Variants in KIAA1217 observed in about 807,000 individuals in gnomAD.
The protein encoded by KIAA1217 is KIAA1217.
In KIAA1217, 88 loss-of-function variants were observed where a neutral mutation model predicts 163.9. The ratio of observed to expected loss-of-function variants is 0.54; its 90% CI spans 0.45 to 0.64. The LOEUF (loss-of-function observed/expected upper bound fraction) is 0.64. KIAA1217 is among the 30% of genes least tolerant of loss of function. The pLI is 0.00. For synonymous variants in KIAA1217, 903 were observed against 923.1 expected, an observed-to-expected ratio of 0.98 and a Z score of 0.39; for missense variants, 2,372 against 2,475.0, an observed-to-expected ratio of 0.96 and a Z score of 0.88.
In KIAA1217 at chr10:24,391,333, CTTTTTT is replaced by C. The variant is rs768727392; in HGVS notation, c.553+10288_553+10293del. ...GGTTCTCCTGTTTCTTTCTTTCTTTCTTTTTTTTTTTTTTTTTTTTTTTTTTTGTGA... is the reference window on the plus strand; with the variant it reads ...GGTTCTCCTGTTTCTTTCTTTCTTTCTTTTTTTTTTTTTTTTTTTTTGTGA... On this transcript the variant is annotated intron_variant, in intron 3 of 20. Transcript: ENST00000376454. Among the ~76,000 whole-genome samples the C allele has an allele frequency of 1.4e-3, 41 of 29,882 alleles. No individual in the cohort carries two copies. The East Asian group carries it at 0.051, about 37-fold the overall frequency. The allele number at this position is 29,882 out of a possible 152,430, so 19.6% of individuals were successfully genotyped here. A position where few individuals can be genotyped will look rare whatever the true frequency, so the allele number is the denominator to read the frequency against.
chr10:23,833,066 A>G (rs1305209420), intron 1 of KIAA1217, among the ~76,000 whole-genome samples: 1 of 152,122 alleles, frequency 6.6e-6, no homozygotes, highest in Non-Finnish European at 1.5e-5. Context: ...CAGCCAAACC[A>G]TATCAATACT....
intron 2 of KIAA1217, among the ~76,000 whole-genome samples, chr10:24,103,597 A>T (rs1441951748): frequency 6.6e-6 from 1 of 152,218 alleles, no homozygotes; most frequent in Non-Finnish European, 1.5e-5. Flanking sequence ...GACTTAGCAG[A>T]TATGTCCCCA....
At chr10:24,523,018 T>C (rs2071523750) in intron 12 of KIAA1217, among the ~76,000 whole-genome samples, 1 of 150,370 alleles carries the variant, frequency 6.7e-6, no homozygotes, top group African/African-American at 2.5e-5. Flanking sequence ...CTGGGTGCAG[T>C]GGCACGTGCT....
At chr10:24,504,332 A>G (rs1436992292) in intron 9 of KIAA1217, among the ~76,000 whole-genome samples, 1 of 152,212 alleles carries the variant, frequency 6.6e-6, no homozygotes, top group Non-Finnish European at 1.5e-5. Context: ...TCTAAAGCGC[A>G]GACTCGCAGG....
At chr10:24,209,360 GAAAAAA>G in intron 1 of KIAA1217, 97 bp downstream of exon 1, 2 of 584,468 alleles carry the variant, frequency 3.4e-6, no homozygotes, top group Non-Finnish European at 5.7e-6. Flanking sequence ...CCCGGCAAAG[GAAAAAA>G]AAAAAAAAGG....
At chr10:23,736,379 A>G (rs1168620597) in intron 1 of KIAA1217, among the ~76,000 whole-genome samples, 1 of 152,064 alleles carries the variant, frequency 6.6e-6, no homozygotes. Flanking sequence ...CTCCCTTTTC[A>G]TGTGATCTCC....
At chr10:23,713,698 C>A (rs1279541266) in intron 1 of KIAA1217, among the ~76,000 whole-genome samples, 1 of 152,040 alleles carries the variant, frequency 6.6e-6, no homozygotes. Context: ...CCCAATAAAA[C>A]TTTTTGGTAT....
Position 24,473,959 on chromosome 10 carries a change from C to T in KIAA1217, c.1578C>T (p.Ser526=), listed in dbSNP as rs140242367. ...TGGTGTATATAGAAAAGCCACGGAG[C>T]GCTGCAGGATTATCCAGCCTTGTAG... ...GTLVYIEKPR[S]AAGLSSLVDL... The change falls in exon 6 of 21, where the codon AGC becomes AGT. Residue 526 remains serine (S), a synonymous_variant. Coordinates refer to ENST00000376454, the MANE Select transcript of KIAA1217 (RefSeq NM_019590.5). 116 of 1,614,042 alleles carry T rather than the reference C, an allele frequency of 7.2e-5. No homozygotes were observed. The highest frequency in any genetic ancestry group is 1.9e-5 in the Non-Finnish European group (22 of 1,180,046).
At chr10:24,492,553 A>G (rs16924836) in intron 6 of KIAA1217, among the ~76,000 whole-genome samples, 14,259 of 152,144 alleles carry the variant, frequency 0.094, 960 homozygotes, top group East Asian at 0.16. Flanking sequence ...TGGATTTGCA[A>G]CCTTTAACTA....
At chr10:23,916,664 A>G (rs1241324308) in intron 1 of KIAA1217, among the ~76,000 whole-genome samples, 2 of 152,178 alleles carry the variant, frequency 1.3e-5, no homozygotes, top group Non-Finnish European at 2.9e-5. Context: ...GCTAGCACCC[A>G]GATACATTTT....
intron 1 of KIAA1217, among the ~76,000 whole-genome samples, chr10:23,704,780 CT>C (rs1353459167): frequency 2.0e-5 from 3 of 151,948 alleles, no homozygotes; most frequent in African/African-American, 7.2e-5. Flanking sequence ...AAATACAAGT[CT>C]TTTTATGGGT....
At chr10:24,186,758 T>C (rs1462745772) in intron 2 of KIAA1217, among the ~76,000 whole-genome samples, 1 of 152,032 alleles carries the variant, frequency 6.6e-6, no homozygotes, top group Non-Finnish European at 1.5e-5. Flanking sequence ...AGCATGGTGG[T>C]GAGTGCCTGT....
chr10:24,299,873 C>T (rs1280433648), intron 2 of KIAA1217, among the ~76,000 whole-genome samples: 2 of 152,196 alleles, frequency 1.3e-5, no homozygotes, highest in Admixed American at 6.5e-5. Context: ...TTAGACTTCT[C>T]TCTCTGACCA....
chr10:24,173,869 T>G lies in KIAA1217; in HGVS notation c.-170-45757T>G, dbSNP rs117868904. ...AAAAAAAGTCACGTTGCCTTTTAAA[T>G]GTCCAAATTGCAAAGTCCAAGCTGC... On this transcript the variant is annotated intron_variant, in intron 2 of 18. Coordinates refer to the KIAA1217 transcript ENST00000376462. Among the ~76,000 whole-genome samples the G allele has an allele frequency of 6.6e-4, 101 of 152,360 alleles. 2 individuals are homozygous for G. In the East Asian group the frequency reaches 0.012, roughly 18 times the overall value.
At chr10:24,370,183 TG>T (rs778324566) in intron 2 of KIAA1217, among the ~76,000 whole-genome samples, 235 of 145,538 alleles carry the variant, frequency 1.6e-3, no homozygotes, top group Non-Finnish European at 2.7e-3. Context: ...GAGAATGGTG[TG>T]AACCCGGGAG....
intron 2 of KIAA1217, among the ~76,000 whole-genome samples, chr10:24,051,662 AG>A (rs1352684779): frequency 4.6e-5 from 7 of 152,146 alleles, no homozygotes; most frequent in Non-Finnish European, 1.0e-4. Flanking sequence ...TACAGGAGTA[AG>A]GTGGTTTCTC....
intron 1 of KIAA1217, among the ~76,000 whole-genome samples, chr10:23,993,674 G>A (rs527252940): frequency 1.7e-4 from 26 of 149,580 alleles, no homozygotes; most frequent in South Asian, 1.3e-3. Context: ...TCCTACCTTA[G>A]CCTCCCAAGT....
intron 1 of KIAA1217, among the ~76,000 whole-genome samples, chr10:23,988,353 A>G (rs947960847): frequency 1.3e-5 from 2 of 152,258 alleles, no homozygotes; most frequent in Non-Finnish European, 2.9e-5. Context: ...TCATAAAACT[A>G]TAATTATAAC....
At chr10:24,359,092 T>TG (rs1210478683) in intron 2 of KIAA1217, among the ~76,000 whole-genome samples, 11 of 144,064 alleles carry the variant, frequency 7.6e-5, no homozygotes, top group East Asian at 4.0e-4. Context: ...CTTTTTTTTT[T>TG]TTTTTTTGTT....
Sources: allele counts gnomAD v4.1 joint callset (sites outside exome capture counted in the v4.1 genomes callset), GRCh38; gene constraint gnomAD v4.1.1; transcripts MANE v1.5; gene names NCBI Gene and HGNC (gene_info 2026-07-23, HGNC 2026-07-21).